UNC80: variants seen among roughly 807,000 people sequenced by gnomAD.
UNC80 encodes the protein protein unc-80 homolog.
In UNC80, 164 loss-of-function variants were observed where a neutral mutation model predicts 384.6. The observed-to-expected ratio is 0.43, with a 90% CI of 0.38 to 0.49. The LOEUF (loss-of-function observed/expected upper bound fraction) is 0.49. Ranked by LOEUF, UNC80 falls within the 20% of genes least tolerant of loss-of-function variation. The pLI is 0.00. For missense variants in UNC80, 3,330 were observed against 4,143.0 expected (o/e 0.80, Z 5.39); for synonymous variants, 1,486 against 1,527.8 (o/e 0.97, Z 0.64).
chr2:209,959,093 A>G, intron 49 of UNC80, 26 bp from the exon 50 acceptor site: 4 of 1,551,030 alleles, frequency 2.6e-6, no homozygotes, highest in Non-Finnish European at 3.5e-6. Context: ...TCTAATAGTT[A>G]TGTAGACTGT....
chr2:209,805,333 G>A (rs1369134214), intron 7 of UNC80, among the ~76,000 whole-genome samples: 2 of 152,182 alleles, frequency 1.3e-5, no homozygotes, highest in East Asian at 1.9e-4. Context: ...CAAAATTAGG[G>A]TTTTATCTTG....
At chr2:209,957,758 T>G (rs1027271710) in intron 49 of UNC80, 22 bp downstream of exon 49, 1 of 1,548,860 alleles carries the variant, frequency 6.5e-7, no homozygotes, top group African/African-American at 1.4e-5. Flanking sequence ...CGCCTTATTC[T>G]TCTATGGTCT....
intron 60 of UNC80, among the ~76,000 whole-genome samples, chr2:209,983,857 A>T (rs2093218360): frequency 6.6e-6 from 1 of 152,150 alleles, no homozygotes; most frequent in African/African-American, 2.4e-5. Context: ...ATAGTTAAAT[A>T]GTTTGGGCTT....
At chr2:209,955,866 C>T (rs1318006451) in intron 48 of UNC80, among the ~76,000 whole-genome samples, 2 of 151,136 alleles carry the variant, frequency 1.3e-5, no homozygotes, top group African/African-American at 2.4e-5. Flanking sequence ...GCCTCAGCCT[C>T]CCAAAAAGCT....
intron 22 of UNC80, among the ~76,000 whole-genome samples, chr2:209,862,634 G>A (rs998728791): frequency 2.8e-5 from 4 of 144,656 alleles, no homozygotes; most frequent in Admixed American, 6.8e-5. Context: ...TCAGAGACTA[G>A]GATTGCAACC....
intron 22 of UNC80, among the ~76,000 whole-genome samples, chr2:209,864,644 AC>A (rs2124868127): frequency 6.6e-6 from 1 of 152,296 alleles, no homozygotes; most frequent in South Asian, 2.1e-4. Context: ...CTGGCCGCAG[AC>A]TGCCACAGCT....
intron 15 of UNC80, among the ~76,000 whole-genome samples, chr2:209,829,819 A>G (rs921232652): frequency 6.6e-6 from 1 of 152,242 alleles, no homozygotes; most frequent in Non-Finnish European, 1.5e-5. Flanking sequence ...AAATGGGAGA[A>G]AAAACCTTAC....
intron 22 of UNC80, among the ~76,000 whole-genome samples, chr2:209,857,198 A>C (rs62201560): frequency 1.3e-5 from 2 of 152,290 alleles, no homozygotes; most frequent in East Asian, 3.9e-4. Flanking sequence ...GTTCTTCCAC[A>C]TGAAATTTTA....
chr2:209,859,446 G>A (rs552602206), intron 22 of UNC80, among the ~76,000 whole-genome samples: 1 of 152,320 alleles, frequency 6.6e-6, no homozygotes, highest in South Asian at 2.1e-4. Context: ...GTGGGCATTT[G>A]GGTTGGTTCC....
rs1419261723 is a variant in UNC80 at position 209,839,166 on chromosome 2, A to G, written c.3042-56A>G. The G allele has an allele frequency of 1.6e-5, 23 of 1,448,098 alleles. No homozygotes were observed. The highest frequency in any genetic ancestry group is 1.5e-5 in the Non-Finnish European group (16 of 1,061,950). The allele number at this position is 1,448,098 out of a possible 1,614,324, so 89.7% of individuals were successfully genotyped here. A position where few individuals can be genotyped will look rare whatever the true frequency, so the allele number is the denominator to read the frequency against. Reference sequence around the variant, plus strand: ...ATTGACAGGAAGATGAAAGAAATTTAGGAGAATTTCTCAAGTGTTGTCAGA... The same window carrying G: ...ATTGACAGGAAGATGAAAGAAATTTGGGAGAATTTCTCAAGTGTTGTCAGA... On this transcript the variant is annotated intron_variant, in intron 18 of 64. Transcript: ENST00000673920. This position sits in a 1 kb window ranked among gnomAD's most constrained non-coding sequence, Gnocchi z 4.1.
intron 38 of UNC80, among the ~76,000 whole-genome samples, chr2:209,932,894 C>A (rs1011780313): frequency 6.6e-5 from 10 of 152,236 alleles, no homozygotes; most frequent in Non-Finnish European, 8.8e-5. Flanking sequence ...TTATAAATTT[C>A]TATTAAGGGT....
At chr2:209,939,356 T>A (rs1266971761) in intron 42 of UNC80, 116 bp from the exon 43 acceptor site, 1 of 1,104,124 alleles carries the variant, frequency 9.1e-7, no homozygotes, top group Non-Finnish European at 1.2e-6. Context: ...CTTTTTCCCC[T>A]TTTCCGACTT....
chr2:209,881,650 CAT>C (rs1408763703), intron 25 of UNC80, among the ~76,000 whole-genome samples: 1 of 151,988 alleles, frequency 6.6e-6, no homozygotes, highest in Non-Finnish European at 1.5e-5. Flanking sequence ...CACACACACA[CAT>C]GCGTGCATGC....
intron 25 of UNC80, among the ~76,000 whole-genome samples, chr2:209,884,857 T>G: frequency 6.6e-6 from 1 of 150,696 alleles, no homozygotes; most frequent in African/African-American, 2.5e-5. Context: ...TGAGAACACA[T>G]GGAAACAGGG....
chr2:209,810,884 T>TG (rs1261215169), intron 7 of UNC80, among the ~76,000 whole-genome samples: 1 of 152,084 alleles, frequency 6.6e-6, no homozygotes, highest in Admixed American at 6.5e-5. Flanking sequence ...ATTACCCAGC[T>TG]GGTAGCCAGC....
intron 55 of UNC80, 23 bp from the exon 56 acceptor site, chr2:209,973,041 G>A (rs753373798): frequency 2.6e-4 from 401 of 1,550,114 alleles, no homozygotes; most frequent in Non-Finnish European, 2.4e-4. Flanking sequence ...TTCCACTTCC[G>A]TCTTCCAAAT....
intron 25 of UNC80, among the ~76,000 whole-genome samples, chr2:209,881,919 T>G (rs2085326237): frequency 6.6e-6 from 1 of 151,680 alleles, no homozygotes; most frequent in Non-Finnish European, 1.5e-5. Context: ...TCTATGTGTT[T>G]CCATTTAAGC....
chr2:209,782,836 G>T (rs915486495), intron 4 of UNC80, among the ~76,000 whole-genome samples: 1 of 151,234 alleles, frequency 6.6e-6, no homozygotes, highest in Admixed American at 6.6e-5. Context: ...GAAAAATGAC[G>T]AATATTTGTT....
chr2:209,897,595 G>T (rs2086933479), intron 28 of UNC80, among the ~76,000 whole-genome samples: 2 of 152,062 alleles, frequency 1.3e-5, no homozygotes, highest in African/African-American at 2.4e-5. Context: ...TTCCAAAGCA[G>T]CCTTGAGTGT....
Sources: allele counts gnomAD v4.1 joint callset (sites outside exome capture counted in the v4.1 genomes callset), GRCh38; gene constraint gnomAD v4.1.1; non-coding constraint Gnocchi (gnomAD v3.1); transcripts MANE v1.5; gene names NCBI Gene and HGNC (gene_info 2026-07-23, HGNC 2026-07-21).